Variants in TSGA10 observed in about 807,000 individuals in gnomAD.
TSGA10 encodes the protein testis specific 10.
Under a neutral mutation model 96.6 loss-of-function variants are expected in TSGA10, and 43 were observed. That is an observed-to-expected ratio of 0.44 (90% CI 0.35 to 0.57). TSGA10 has a LOEUF of 0.57. Ranked by LOEUF, TSGA10 falls within the 20% of genes least tolerant of loss-of-function variation. The pLI is 0.01. For missense variants in TSGA10, 703 were observed against 834.4 expected, an observed-to-expected ratio of 0.84 and a Z score of 1.94; for synonymous variants, 229 against 269.9, an observed-to-expected ratio of 0.85 and a Z score of 1.48.
chr2:99,107,297 A>G (rs1047228574), intron 7 of TSGA10, among the ~76,000 whole-genome samples: 1 of 152,198 alleles, frequency 6.6e-6, no homozygotes, highest in African/African-American at 2.4e-5. Flanking sequence ...ACAGCCTTCT[A>G]AAGAGGAGTC....
intron 1 of TSGA10, among the ~76,000 whole-genome samples, chr2:99,143,276 G>C (rs987104376): frequency 2.0e-5 from 3 of 150,924 alleles, no homozygotes; most frequent in Non-Finnish European, 4.4e-5. Context: ...CAAGTAGCTA[G>C]GACTACAGGC....
intron 1 of TSGA10, among the ~76,000 whole-genome samples, chr2:99,132,068 T>C (rs1010498635): frequency 4.6e-5 from 7 of 152,156 alleles, no homozygotes; most frequent in Admixed American, 2.0e-4. Context: ...ATCAGAAATA[T>C]TGGCCTGAAA....
intron 17 of TSGA10, among the ~76,000 whole-genome samples, chr2:99,020,946 A>G (rs1199028345): frequency 2.0e-5 from 3 of 149,038 alleles, no homozygotes. Flanking sequence ...TAATAATTAT[A>G]TTTAATAATG....
chr2:99,146,109 A>G (rs536669830), intron 1 of TSGA10, among the ~76,000 whole-genome samples: 2 of 152,206 alleles, frequency 1.3e-5, no homozygotes, highest in East Asian at 3.9e-4. Flanking sequence ...ATGGCGAAAC[A>G]TCGTCTCTAC....
chr2:99,102,692 T>G, intron 10 of TSGA10: 1 of 1,613,304 alleles, frequency 6.2e-7, no homozygotes, highest in East Asian at 2.2e-5. Context: ...TTAGTCATAT[T>G]GATGTGATCA....
At chr2:99,046,693 G>A (rs2082808697) in intron 16 of TSGA10, among the ~76,000 whole-genome samples, 1 of 152,096 alleles carries the variant, frequency 6.6e-6, no homozygotes, top group Non-Finnish European at 1.5e-5. Context: ...ACATTCAAAA[G>A]CTAGCAGAAG....
intron 17 of TSGA10, among the ~76,000 whole-genome samples, chr2:99,027,457 G>T (rs952354624): frequency 2.6e-5 from 4 of 151,970 alleles, no homozygotes; most frequent in African/African-American, 9.7e-5. Context: ...AATAAGTTTT[G>T]GTGATTTATT....
intron 16 of TSGA10, among the ~76,000 whole-genome samples, chr2:99,054,290 C>T (rs2083735097): frequency 6.6e-6 from 1 of 152,078 alleles, no homozygotes; most frequent in Non-Finnish European, 1.5e-5. Flanking sequence ...ACGATCTCTG[C>T]AAATGATAAT....
chr2:99,139,073 A>G lies in TSGA10; in HGVS notation c.-620-11897T>C, dbSNP rs60569619. On this transcript the variant is annotated intron_variant, in intron 1 of 20. Transcript: ENST00000393483. ...CCAGGAATTTGAGACCAGCCTGGAC[A>G]ACATAGTGAGTTCCTGTATCTACAA... is the stretch of plus-strand genomic sequence containing the variant. Among the ~76,000 whole-genome samples the G allele has an allele frequency of 6.6e-3, 1,003 of 152,334 alleles. 12 individuals are homozygous for G. Among genetic ancestry groups the G allele is most frequent in the African/African-American group, 0.023 (971 of 41,558 alleles).
At chr2:99,150,040 G>A (rs912648088) in intron 1 of TSGA10, among the ~76,000 whole-genome samples, 12 of 151,638 alleles carry the variant, frequency 7.9e-5, no homozygotes, top group African/African-American at 2.9e-4. Flanking sequence ...TGATCCACCC[G>A]CCTCGGCCCC....
intron 16 of TSGA10, among the ~76,000 whole-genome samples, chr2:99,040,781 A>G (rs1054878498): frequency 6.6e-6 from 1 of 152,144 alleles, no homozygotes; most frequent in Non-Finnish European, 1.5e-5. Flanking sequence ...TAAACATCCT[A>G]AAATTCGTAT....
chr2:99,042,039 C>CCTTTTTTTTTTTTTTTTTTTTT (rs1558816084), intron 16 of TSGA10, among the ~76,000 whole-genome samples: 1 of 140,110 alleles, frequency 7.1e-6, no homozygotes, highest in African/African-American at 2.8e-5. Context: ...TGCCCCCCCA[C>CCTTTTTTTTTTTTTTTTTTTTT]ATTTTTTTTT....
chr2:99,127,088 A>C lies in TSGA10; in HGVS notation c.-532T>G. 1 of 1,289,636 alleles carries C rather than the reference A, an allele frequency of 7.8e-7. No homozygotes were observed. The highest frequency in any genetic ancestry group is 1.0e-6 in the Non-Finnish European group (1 of 988,788). The allele number at this position is 1,289,636 out of a possible 1,614,324, so 79.9% of individuals were successfully genotyped here. A position where few individuals can be genotyped will look rare whatever the true frequency, so the allele number is the denominator to read the frequency against. On this transcript the variant is annotated 5_prime_UTR_variant, in exon 2 of 21. Coordinates refer to ENST00000393483, the MANE Select transcript of TSGA10 (RefSeq NM_025244.4). ...CGAGATGAATCTATCTTGGTTTCTC[A>C]CTTCTTGTTCTAGCTGGAGAGTATT...
At chr2:99,101,987 A>G in intron 10 of TSGA10, 1 of 986,282 alleles carries the variant, frequency 1.0e-6, no homozygotes, top group Non-Finnish European at 1.6e-6. Flanking sequence ...TACATTTAAC[A>G]ATACCGGATT....
intron 10 of TSGA10, among the ~76,000 whole-genome samples, chr2:99,093,874 T>C (rs990148378): frequency 1.3e-5 from 2 of 151,982 alleles, no homozygotes; most frequent in African/African-American, 4.8e-5. Context: ...AATAACACCA[T>C]CTTTCTTCAC....
chr2:99,072,941 T>C, intron 13 of TSGA10, 77 bp downstream of exon 13: 1 of 1,014,992 alleles, frequency 9.9e-7, no homozygotes, highest in Non-Finnish European at 1.5e-6. Flanking sequence ...AGCCCCTTGT[T>C]TCTTACTATC....
At chr2:99,113,702 T>C (rs1214442912) in intron 4 of TSGA10, among the ~76,000 whole-genome samples, 7 of 148,836 alleles carry the variant, frequency 4.7e-5, no homozygotes, top group Admixed American at 1.3e-4. Context: ...CCCACCACCA[T>C]GCCCAGCTAG....
chr2:99,032,496 T>C (rs1190024963), intron 17 of TSGA10, among the ~76,000 whole-genome samples: 2 of 152,184 alleles, frequency 1.3e-5, no homozygotes, highest in Non-Finnish European at 2.9e-5. Context: ...CCTTCAAAAC[T>C]GCTTTGCCAC....
Position 99,136,564 on chromosome 2 carries a change from G to A in TSGA10, c.-620-9388C>T, listed in dbSNP as rs549443994. 4.0e-4 allele frequency among the ~76,000 whole-genome samples: 11 copies of A among 27,386 alleles called. 3 individuals carry two copies. Among genetic ancestry groups the A allele is most frequent in the African/African-American group, 6.8e-4 (9 of 13,248 alleles). The allele number at this position is 27,386 out of a possible 152,430, so 18.0% of individuals were successfully genotyped here. A position where few individuals can be genotyped will look rare whatever the true frequency, so the allele number is the denominator to read the frequency against. The stretch of plus-strand genomic sequence containing the variant: ...TGTAATCCCAGCACTTTGGGAGGCC[G>A]AGGCGGGCGGATCACGAGGTCAGGA... On this transcript the variant is annotated intron_variant, in intron 1 of 20. Coordinates refer to ENST00000393483, the MANE Select transcript of TSGA10 (RefSeq NM_025244.4).
Sources: gnomAD v4.1 joint callset for allele counts (sites outside exome capture counted in the v4.1 genomes callset) on GRCh38, gnomAD v4.1.1 for gene constraint, MANE v1.5 for transcripts, NCBI Gene and HGNC (gene_info 2026-07-23, HGNC 2026-07-21) for gene names.